Variants in FAM227B observed in about 807,000 individuals in gnomAD.
FAM227B encodes family with sequence similarity 227 member B.
Under a neutral mutation model 73.8 loss-of-function variants are expected in FAM227B, and 88 were observed. The ratio of observed to expected loss-of-function variants is 1.19; its 90% confidence interval spans 1.00 to 1.42. The LOEUF is 1.42. Among genes scored for constraint, FAM227B ranks in the 40% most tolerant of loss-of-function variants. FAM227B has a pLI of 0.00. For missense variants in FAM227B, 632 were observed against 590.9 expected (o/e 1.07, Z -0.72); for synonymous variants, 210 against 190.5 (o/e 1.10, Z -0.84).
At chr15:49,615,058 C>A in intron 2 of FAM227B, 63 bp downstream of exon 2, 9 of 1,487,942 alleles carry the variant, frequency 6.0e-6, no homozygotes, top group Non-Finnish European at 8.5e-6. Context: ...GCCCTGATTA[C>A]CTGAAATTCC....
At chr15:49,416,384 G>A (rs898610124) in intron 11 of FAM227B, among the ~76,000 whole-genome samples, 1 of 152,062 alleles carries the variant, frequency 6.6e-6, no homozygotes, top group Non-Finnish European at 1.5e-5. Context: ...GGGGTGGACA[G>A]AAGAAAAGAG....
intron 13 of FAM227B, among the ~76,000 whole-genome samples, chr15:49,351,438 T>C (rs2042226457): frequency 6.6e-6 from 1 of 152,222 alleles, no homozygotes; most frequent in African/African-American, 2.4e-5. Context: ...AGGACAATGT[T>C]GATTTTTTTC....
intron 11 of FAM227B, among the ~76,000 whole-genome samples, chr15:49,462,797 T>C (rs946901376): frequency 3.9e-5 from 6 of 152,332 alleles, no homozygotes; most frequent in South Asian, 2.1e-4. Context: ...TAGTGAAGAC[T>C]TTGGCATGTA....
rs1180472380 is a variant in FAM227B, at chr15:49,459,545, T to C, written c.1012+48666A>G. On this transcript the variant is annotated intron_variant, in intron 11 of 15. Coordinates refer to ENST00000299338, the MANE Select transcript of FAM227B (RefSeq NM_152647.3). ...AGTGCTTTTCTTTTCCCATCCTCTA[T>C]CTTTATCTTAATTATTTTAAAGTCC... Among the ~76,000 whole-genome samples the C allele has an allele frequency of 3.3e-5, 5 of 152,180 alleles. No homozygotes were observed. The East Asian group carries it at 7.7e-4, about 23-fold the overall frequency.
intron 9 of FAM227B, among the ~76,000 whole-genome samples, chr15:49,562,349 GTAA>G (rs1379611688): frequency 6.6e-6 from 1 of 151,808 alleles, no homozygotes; most frequent in Non-Finnish European, 1.5e-5. Flanking sequence ...AGTTAAATCA[GTAA>G]TAATAATAAT....
At chr15:49,420,640 G>A (rs2049545077) in intron 11 of FAM227B, among the ~76,000 whole-genome samples, 1 of 152,156 alleles carries the variant, frequency 6.6e-6, no homozygotes, top group Non-Finnish European at 1.5e-5. Flanking sequence ...AGAATGAAAA[G>A]TAATGAAAAT....
chr15:49,458,138 G>T (rs1394917720), intron 11 of FAM227B, among the ~76,000 whole-genome samples: 2 of 151,796 alleles, frequency 1.3e-5, no homozygotes, highest in Non-Finnish European at 2.9e-5. Flanking sequence ...ACAAGTGAAG[G>T]TATTTATAAT....
At chr15:49,572,803 T>A (rs1488388233) in intron 8 of FAM227B, among the ~76,000 whole-genome samples, 3 of 152,086 alleles carry the variant, frequency 2.0e-5, no homozygotes, top group Non-Finnish European at 4.4e-5. Flanking sequence ...TTGGGTTTTG[T>A]TTCTTCTATG....
intron 10 of FAM227B, among the ~76,000 whole-genome samples, chr15:49,513,004 T>C (rs763273855): frequency 1.1e-4 from 17 of 152,186 alleles, no homozygotes; most frequent in South Asian, 2.1e-4. Flanking sequence ...CGGTCTATCA[T>C]TGATGGACAT....
In FAM227B at chr15:49,575,110, C is replaced by A. The variant is rs371378414; in HGVS notation, c.547-1G>T. 6.7e-5 allele frequency: 104 copies of A among 1,556,704 alleles called. No homozygotes were observed. The Middle Eastern group carries it at 6.9e-4, about 10-fold the overall frequency. Reference sequence around the variant, plus strand: ...TCTTCCAGATTTTAAAAACTCTTTCCTATGGAAAAAAACAAGAGAGAGATG... The same window carrying A: ...TCTTCCAGATTTTAAAAACTCTTTCATATGGAAAAAAACAAGAGAGAGATG... On this transcript the variant is annotated splice_acceptor_variant, in intron 7 of 15. Coordinates refer to ENST00000299338, the MANE Select transcript of FAM227B (RefSeq NM_152647.3). LOFTEE classifies it high-confidence loss of function.
intron 13 of FAM227B, among the ~76,000 whole-genome samples, chr15:49,337,511 T>A (rs1367822968): frequency 7.2e-6 from 1 of 139,196 alleles, no homozygotes; most frequent in Admixed American, 7.0e-5. Context: ...TTACCCACTT[T>A]TTTTTTTTTT....
chr15:49,513,636 A>G (rs1388568836), intron 10 of FAM227B, among the ~76,000 whole-genome samples: 2 of 152,056 alleles, frequency 1.3e-5, no homozygotes, highest in Non-Finnish European at 2.9e-5. Context: ...TTTTGTTGCA[A>G]TTGCTTTTGG....
intron 11 of FAM227B, among the ~76,000 whole-genome samples, chr15:49,496,704 T>C (rs1290946408): frequency 1.3e-5 from 2 of 152,182 alleles, no homozygotes; most frequent in Non-Finnish European, 2.9e-5. Flanking sequence ...AACTCCACAT[T>C]ACAATAAGCA....
chr15:49,391,425 G>A (rs2047204353), intron 11 of FAM227B, among the ~76,000 whole-genome samples: 1 of 152,052 alleles, frequency 6.6e-6, no homozygotes, highest in Admixed American at 6.6e-5. Context: ...AAGATGTTTG[G>A]TTCCCTATAG....
intron 10 of FAM227B, among the ~76,000 whole-genome samples, chr15:49,514,153 T>C (rs2059220638): frequency 1.3e-5 from 2 of 152,200 alleles, no homozygotes; most frequent in Non-Finnish European, 2.9e-5. Flanking sequence ...GGTAGTTTGA[T>C]GGAAATAGAA....
At chr15:49,348,449 CAT>C (rs757693119) in intron 13 of FAM227B, among the ~76,000 whole-genome samples, 3 of 152,158 alleles carry the variant, frequency 2.0e-5, no homozygotes, top group Non-Finnish European at 4.4e-5. Context: ...AAAACAGACA[CAT>C]GTGAGGCAAC....
intron 11 of FAM227B, among the ~76,000 whole-genome samples, chr15:49,474,874 T>C (rs2055106730): frequency 6.6e-6 from 1 of 152,192 alleles, no homozygotes; most frequent in African/African-American, 2.4e-5. Flanking sequence ...AGTTTCATCC[T>C]GAACCTCCCC....
chr15:49,422,203 T>C (rs73398284), intron 11 of FAM227B, among the ~76,000 whole-genome samples: 28,855 of 151,108 alleles, frequency 0.19, 3,144 homozygotes, highest in Non-Finnish European at 0.24. Context: ...TTTTGAGGAG[T>C]ATATAACATG....
intron 13 of FAM227B, among the ~76,000 whole-genome samples, chr15:49,357,036 C>T (rs1189508731): frequency 0.025 from 3,774 of 151,130 alleles, 86 homozygotes; most frequent in African/African-American, 0.051. Flanking sequence ...TTGAAACCAA[C>T]GAGAACAAAG....
Sources: allele counts gnomAD v4.1 joint callset (sites outside exome capture counted in the v4.1 genomes callset), GRCh38; gene constraint gnomAD v4.1.1; transcripts MANE v1.5; gene names NCBI Gene and HGNC (gene_info 2026-07-23, HGNC 2026-07-21).